Variants in GRM8 observed in about 807,000 individuals in gnomAD.
The protein encoded by GRM8 is glutamate metabotropic receptor 8.
GRM8 carries 47 observed loss-of-function variants against 87.2 expected under a neutral mutation model. The observed-to-expected ratio is 0.54, with a 90% confidence interval of 0.43 to 0.69. The LOEUF (loss-of-function observed/expected upper bound fraction) is 0.69. Ranked by LOEUF, GRM8 falls within the 30% of genes least tolerant of loss-of-function variation. The pLI, the probability that GRM8 is intolerant of heterozygous loss-of-function variation, is 0.00. For synonymous variants in GRM8, 396 were observed against 404.5 expected (o/e 0.98, Z 0.25); for missense variants, 1,019 against 1,139.2 (o/e 0.89, Z 1.52).
At chr7:126,608,646 C>T (rs1348152561) in intron 8 of GRM8, among the ~76,000 whole-genome samples, 1 of 152,130 alleles carries the variant, frequency 6.6e-6, no homozygotes, top group Non-Finnish European at 1.5e-5. Context: ...ATACATCAAC[C>T]TTCCCTGGTG....
intron 8 of GRM8, among the ~76,000 whole-genome samples, chr7:126,598,163 T>G (rs1399643198): frequency 6.6e-6 from 1 of 152,044 alleles, no homozygotes; most frequent in Non-Finnish European, 1.5e-5. Context: ...TTGTTTCTTC[T>G]CTATTTCTGT....
At chr7:126,621,249 T>C (rs907180969) in intron 7 of GRM8, among the ~76,000 whole-genome samples, 1 of 152,218 alleles carries the variant, frequency 6.6e-6, no homozygotes, top group Non-Finnish European at 1.5e-5. Flanking sequence ...CTTACATGTA[T>C]CAATTACTCA....
chr7:126,439,610 T>C (rs1193837055), intron 10 of GRM8, among the ~76,000 whole-genome samples: 1 of 152,158 alleles, frequency 6.6e-6, no homozygotes, highest in East Asian at 1.9e-4. Context: ...ATACTTTTTA[T>C]CATTATTTTA....
At chr7:126,949,569 T>C (rs1807913177) in intron 3 of GRM8, among the ~76,000 whole-genome samples, 1 of 152,250 alleles carries the variant, frequency 6.6e-6, no homozygotes, top group Non-Finnish European at 1.5e-5. Context: ...AATATCTCCA[T>C]GGTTTTGTGA....
intron 9 of GRM8, among the ~76,000 whole-genome samples, chr7:126,477,065 A>C (rs1181314503): frequency 6.6e-6 from 1 of 152,198 alleles, no homozygotes; most frequent in African/African-American, 2.4e-5. Context: ...AGCCTTAAAA[A>C]GAAAAGAAAT....
At chr7:126,893,428 T>A (rs185347215) in intron 6 of GRM8, among the ~76,000 whole-genome samples, 2 of 152,162 alleles carry the variant, frequency 1.3e-5, no homozygotes, top group African/African-American at 4.8e-5. Flanking sequence ...AAAGCCCTTT[T>A]ATAACTATGT....
chr7:127,066,443 T>C (rs900570646), intron 3 of GRM8, among the ~76,000 whole-genome samples: 1 of 152,156 alleles, frequency 6.6e-6, no homozygotes, highest in African/African-American at 2.4e-5. Context: ...ATTTAAGAGT[T>C]TACAAGGTAC....
At chr7:126,572,737 C>G (rs1389197625) in intron 8 of GRM8, among the ~76,000 whole-genome samples, 2 of 152,100 alleles carry the variant, frequency 1.3e-5, no homozygotes, top group Non-Finnish European at 2.9e-5. Context: ...GGAGGAAAAC[C>G]TGGAATCCAT....
chr7:126,458,774 A>G (rs576863841), intron 9 of GRM8, among the ~76,000 whole-genome samples: 3 of 151,340 alleles, frequency 2.0e-5, no homozygotes, highest in Non-Finnish European at 3.0e-5. Context: ...TTAAAATTAT[A>G]ATTTATAAAT....
At chr7:127,204,358 G>A (rs1024392409) in intron 2 of GRM8, among the ~76,000 whole-genome samples, 3 of 152,124 alleles carry the variant, frequency 2.0e-5, no homozygotes, top group Non-Finnish European at 4.4e-5. Context: ...CAGCTTCCCC[G>A]TTCTGCAGCA....
chr7:126,597,375 T>C (rs1489454888), intron 8 of GRM8, among the ~76,000 whole-genome samples: 1 of 152,142 alleles, frequency 6.6e-6, no homozygotes, highest in Non-Finnish European at 1.5e-5. Flanking sequence ...AATTATCTTG[T>C]ATGTTTTAGA....
chr7:126,505,761 T>C (rs529834214), intron 9 of GRM8, among the ~76,000 whole-genome samples: 1 of 152,214 alleles, frequency 6.6e-6, no homozygotes, highest in East Asian at 1.9e-4. Flanking sequence ...TTGATATAGA[T>C]ATACGTTTTG....
chr7:126,867,860 A>C (rs1421042749), intron 6 of GRM8, among the ~76,000 whole-genome samples: 1 of 152,242 alleles, frequency 6.6e-6, no homozygotes, highest in Non-Finnish European at 1.5e-5. Context: ...AAAGTAATAA[A>C]TCCATAATGA....
intron 6 of GRM8, among the ~76,000 whole-genome samples, chr7:126,773,945 ATT>A (rs1247383163): frequency 6.6e-6 from 1 of 152,124 alleles, no homozygotes; most frequent in African/African-American, 2.4e-5. Context: ...CAAATTATTC[ATT>A]TTCTTTTCTA....
intron 9 of GRM8, among the ~76,000 whole-genome samples, chr7:126,472,143 T>C (rs554583654): frequency 1.3e-5 from 2 of 152,268 alleles, no homozygotes; most frequent in African/African-American, 4.8e-5. Context: ...GCAGGGACAA[T>C]TTGACTTCCT....
intron 3 of GRM8, among the ~76,000 whole-genome samples, chr7:127,062,436 A>G (rs1820699287): frequency 6.6e-6 from 1 of 152,192 alleles, no homozygotes; most frequent in African/African-American, 2.4e-5. Flanking sequence ...GAATTCCAGG[A>G]GTCAGGGCCA....
chr7:126,637,193 G>A (rs537489223), intron 7 of GRM8, among the ~76,000 whole-genome samples: 23 of 152,140 alleles, frequency 1.5e-4, no homozygotes, highest in African/African-American at 3.6e-4. Context: ...TTCAAAGCTC[G>A]AAGGAGTCAT....
intron 6 of GRM8, among the ~76,000 whole-genome samples, chr7:126,784,930 G>A (rs959808301): frequency 3.9e-5 from 6 of 152,110 alleles, no homozygotes; most frequent in South Asian, 2.1e-4. Flanking sequence ...AGATATAAAC[G>A]TGTTACCAGA....
intron 5 of GRM8, 83 bp from the exon 6 acceptor site, chr7:126,902,762 G>C (rs76931472): frequency 1.2e-5 from 11 of 945,298 alleles, no homozygotes; most frequent in Non-Finnish European, 1.7e-5. Context: ...ATTATATTCT[G>C]ATCACTGCAT....
Sources: gnomAD v4.1 joint callset for allele counts (sites outside exome capture counted in the v4.1 genomes callset) on GRCh38, gnomAD v4.1.1 for gene constraint, MANE v1.5 for transcripts, NCBI Gene and HGNC (gene_info 2026-07-23, HGNC 2026-07-21) for gene names.